RBMS3: variants seen among roughly 807,000 people sequenced by gnomAD.
RBMS3 encodes RNA-binding motif, single-stranded-interacting protein 3.
Under a neutral mutation model 66.8 loss-of-function variants are expected in RBMS3, and 27 were observed. The observed-to-expected ratio is 0.40, with a 90% CI of 0.30 to 0.56. The LOEUF (loss-of-function observed/expected upper bound fraction) is 0.56, where lower values mean the gene tolerates loss of function less well. Among genes scored for constraint, RBMS3 ranks in the 20% least tolerant of loss-of-function variants. The pLI is 0.40. For missense variants in RBMS3, 513 were observed against 549.5 expected, an observed-to-expected ratio of 0.93 and a Z score of 0.66; for synonymous variants, 188 against 183.0, an observed-to-expected ratio of 1.03 and a Z score of -0.22.
chr3:29,384,258 G>T (rs143495377), intron 1 of RBMS3, among the ~76,000 whole-genome samples: 37 of 152,200 alleles, frequency 2.4e-4, no homozygotes, highest in African/African-American at 8.2e-4. Context: ...TGAGGCTGCT[G>T]TGAGCCGTGA....
intron 3 of RBMS3, among the ~76,000 whole-genome samples, chr3:29,513,428 T>C (rs1433534109): frequency 6.6e-6 from 1 of 152,176 alleles, no homozygotes; most frequent in East Asian, 1.9e-4. Flanking sequence ...GCAACTGAGA[T>C]GAACCATTCC....
intron 4 of RBMS3, among the ~76,000 whole-genome samples, chr3:29,589,969 A>G (rs891226121): frequency 1.3e-5 from 2 of 152,092 alleles, no homozygotes; most frequent in Non-Finnish European, 2.9e-5. Flanking sequence ...GGAAAATCCA[A>G]CTGATTTGTC....
At chr3:29,816,440 A>G (rs910991498) in intron 6 of RBMS3, among the ~76,000 whole-genome samples, 7 of 152,214 alleles carry the variant, frequency 4.6e-5, no homozygotes, top group Middle Eastern at 3.4e-3. Context: ...CAAGAGAAAC[A>G]CAACACAGAT....
chr3:29,343,644 G>A (rs984486828), intron 1 of RBMS3, among the ~76,000 whole-genome samples: 1 of 152,128 alleles, frequency 6.6e-6, no homozygotes, highest in Non-Finnish European at 1.5e-5. Context: ...ATACGACTTA[G>A]GTCTTGGCTG....
At chr3:29,355,332 A>C (rs2037157636) in intron 1 of RBMS3, among the ~76,000 whole-genome samples, 1 of 152,126 alleles carries the variant, frequency 6.6e-6, no homozygotes, top group Admixed American at 6.6e-5. Flanking sequence ...CTGTTTAATA[A>C]GCTGAAAAGA....
chr3:29,720,696 C>CTGTGTGTGTGTGTGTGTGTG lies in RBMS3; in HGVS notation c.400-19023_400-19004dup, dbSNP rs201802434. Among the ~76,000 whole-genome samples, 178 of 147,610 alleles carry CTGTGTGTGTGTGTGTGTGTG rather than the reference C, an allele frequency of 1.2e-3. 1 individual carries two copies. Among genetic ancestry groups the CTGTGTGTGTGTGTGTGTGTG allele is most frequent in the Non-Finnish European group, 1.6e-3 (106 of 67,054 alleles). On this transcript the variant is annotated intron_variant, in intron 4 of 14. Transcript: ENST00000383767. ...GAATTCATGAGTTCCCTGTAAGAAT[C>CTGTGTGTGTGTGTGTGTGTG]TGTGTGTGTGTGTGTGTGTGAGTGT...
chr3:29,764,520 G>T (rs989271631), intron 6 of RBMS3, among the ~76,000 whole-genome samples: 10 of 151,662 alleles, frequency 6.6e-5, no homozygotes, highest in African/African-American at 2.4e-4. Context: ...TATAGAAGTT[G>T]TTCAAACTAG....
At chr3:29,723,798 GA>G (rs944426874) in intron 4 of RBMS3, among the ~76,000 whole-genome samples, 6 of 151,750 alleles carry the variant, frequency 4.0e-5, no homozygotes, top group East Asian at 3.9e-4. Context: ...CTAAAGATGA[GA>G]AAAAAAACTC....
chr3:29,539,566 TA>T (rs1376801994), intron 3 of RBMS3, among the ~76,000 whole-genome samples: 1 of 152,156 alleles, frequency 6.6e-6, no homozygotes, highest in African/African-American at 2.4e-5. Flanking sequence ...TAACTGTGAA[TA>T]AAAGAAGAAT....
intron 1 of RBMS3, among the ~76,000 whole-genome samples, chr3:29,308,923 G>A (rs1385295522): frequency 6.6e-6 from 1 of 151,430 alleles, no homozygotes; most frequent in Non-Finnish European, 1.5e-5. Flanking sequence ...TTAAGTGCAG[G>A]TGATATTATC....
At chr3:29,790,512 T>A (rs1436945382) in intron 6 of RBMS3, among the ~76,000 whole-genome samples, 1 of 152,172 alleles carries the variant, frequency 6.6e-6, no homozygotes, top group Non-Finnish European at 1.5e-5. Flanking sequence ...CATTAGAATA[T>A]CCTGTCTTGA....
intron 1 of RBMS3, among the ~76,000 whole-genome samples, chr3:29,426,908 T>TAGCTTC (rs1335304763): frequency 6.6e-6 from 1 of 152,244 alleles, no homozygotes; most frequent in Non-Finnish European, 1.5e-5. Context: ...ACATAATTTA[T>TAGCTTC]ACATTTTAGC....
intron 4 of RBMS3, among the ~76,000 whole-genome samples, chr3:29,678,230 G>A (rs1390547730): frequency 6.6e-6 from 1 of 152,098 alleles, no homozygotes; most frequent in Non-Finnish European, 1.5e-5. Context: ...CTTGGGGATG[G>A]TGGGAGATAA....
intron 1 of RBMS3, among the ~76,000 whole-genome samples, chr3:29,371,985 T>C (rs527489427): frequency 7.2e-5 from 11 of 152,270 alleles, no homozygotes; most frequent in African/African-American, 2.6e-4. Flanking sequence ...CAACATTCTG[T>C]TTGATGGGAG....
intron 4 of RBMS3, among the ~76,000 whole-genome samples, chr3:29,669,445 C>T (rs569872289): frequency 2.6e-5 from 4 of 152,288 alleles, no homozygotes; most frequent in African/African-American, 9.6e-5. Flanking sequence ...AGTGCCTTGT[C>T]CAAGGTCATG....
intron 1 of RBMS3, among the ~76,000 whole-genome samples, chr3:29,316,650 T>G (rs1285096562): frequency 1.3e-5 from 2 of 151,552 alleles, no homozygotes; most frequent in African/African-American, 4.8e-5. Context: ...TATAATTAAA[T>G]TATTAAATTA....
intron 6 of RBMS3, among the ~76,000 whole-genome samples, chr3:29,778,904 A>C (rs1286894149): frequency 6.6e-6 from 1 of 151,902 alleles, no homozygotes; most frequent in Admixed American, 6.6e-5. Flanking sequence ...GGGATACACT[A>C]TAGGAGAAAA....
intron 4 of RBMS3, among the ~76,000 whole-genome samples, chr3:29,715,918 T>C (rs1448588564): frequency 6.6e-6 from 1 of 152,136 alleles, no homozygotes; most frequent in African/African-American, 2.4e-5. Context: ...TGATTAGCCT[T>C]TGATGCCTTT....
intron 14 of RBMS3, among the ~76,000 whole-genome samples, chr3:29,996,971 A>C (rs1310936558): frequency 6.6e-6 from 1 of 152,126 alleles, no homozygotes; most frequent in Non-Finnish European, 1.5e-5. Context: ...AAATTAATGA[A>C]TCCAGGAGCT....
Sources: gnomAD v4.1 joint callset for allele counts (sites outside exome capture counted in the v4.1 genomes callset) on GRCh38, gnomAD v4.1.1 for gene constraint, MANE v1.5 for transcripts, NCBI Gene and HGNC (gene_info 2026-07-23, HGNC 2026-07-21) for gene names.